FBXL7: variants seen among roughly 807,000 people sequenced by gnomAD.
FBXL7 encodes F-box/LRR-repeat protein 7.
Under a neutral mutation model 38.3 loss-of-function variants are expected in FBXL7, and 12 were observed. The observed-to-expected ratio is 0.31, with a 90% CI of 0.20 to 0.51. The LOEUF is 0.51. Among genes scored for constraint, FBXL7 ranks in the 20% least tolerant of loss-of-function variants. The pLI is 0.98. For missense variants in FBXL7, 567 were observed against 676.4 expected, an observed-to-expected ratio of 0.84 and a Z score of 1.79; for synonymous variants, 297 against 300.9, an observed-to-expected ratio of 0.99 and a Z score of 0.13.
At chr5:15,791,062 T>G (rs1737261406) in intron 2 of FBXL7, among the ~76,000 whole-genome samples, 2 of 87,236 alleles carry the variant, frequency 2.3e-5, no homozygotes, top group South Asian at 6.0e-4. Context: ...GGTCAGTGAG[T>G]TGTGTAAAAG....
intron 2 of FBXL7, among the ~76,000 whole-genome samples, chr5:15,648,370 A>G (rs1233675747): frequency 1.3e-5 from 2 of 152,234 alleles, no homozygotes; most frequent in Non-Finnish European, 2.9e-5. Flanking sequence ...GGTGTGTATG[A>G]AAACTTCTGA....
At chr5:15,715,840 C>G (rs1398459604) in intron 2 of FBXL7, among the ~76,000 whole-genome samples, 6 of 152,164 alleles carry the variant, frequency 3.9e-5, no homozygotes, top group Admixed American at 3.3e-4. Flanking sequence ...AGAACATCAG[C>G]AATAGCCTAT....
intron 1 of FBXL7, among the ~76,000 whole-genome samples, chr5:15,598,778 C>T (rs1739704435): frequency 6.6e-6 from 1 of 152,134 alleles, no homozygotes; most frequent in Admixed American, 6.5e-5. Context: ...ACTCCCCCTC[C>T]TTGTCTTCCT....
intron 2 of FBXL7, among the ~76,000 whole-genome samples, chr5:15,752,546 T>G (rs1736181890): frequency 6.6e-6 from 1 of 152,140 alleles, no homozygotes; most frequent in Non-Finnish European, 1.5e-5. Context: ...ATTGGATTTC[T>G]CTGACCCACC....
At chr5:15,516,637 G>T (rs954556183) in intron 1 of FBXL7, among the ~76,000 whole-genome samples, 1 of 151,962 alleles carries the variant, frequency 6.6e-6, no homozygotes, top group Non-Finnish European at 1.5e-5. Context: ...GTCGTGGGAG[G>T]GACTTCGTGG....
intron 2 of FBXL7, among the ~76,000 whole-genome samples, chr5:15,831,896 A>C (rs1421136190): frequency 6.6e-6 from 1 of 152,048 alleles, no homozygotes; most frequent in Non-Finnish European, 1.5e-5. Context: ...ATGCCCTCCC[A>C]TTGCCCATGG....
intron 2 of FBXL7, among the ~76,000 whole-genome samples, chr5:15,658,078 G>A (rs772476816): frequency 3.3e-5 from 5 of 152,048 alleles, no homozygotes; most frequent in African/African-American, 4.8e-5. Context: ...TAATTTTGTT[G>A]AGGGTGGCAG....
intron 2 of FBXL7, among the ~76,000 whole-genome samples, chr5:15,876,363 C>T (rs1740206353): frequency 6.6e-6 from 1 of 150,676 alleles, no homozygotes; most frequent in Non-Finnish European, 1.5e-5. Context: ...GAAACCTGAA[C>T]GTTCTACACA....
At chr5:15,832,565 C>T (rs1306336879) in intron 2 of FBXL7, among the ~76,000 whole-genome samples, 1 of 152,138 alleles carries the variant, frequency 6.6e-6, no homozygotes, top group Non-Finnish European at 1.5e-5. Flanking sequence ...ATCTCGAAAA[C>T]AGCTAGTTTA....
intron 1 of FBXL7, among the ~76,000 whole-genome samples, chr5:15,574,683 G>A (rs1738899786): frequency 6.6e-6 from 1 of 152,158 alleles, no homozygotes. Context: ...GAGTGAGAGA[G>A]TAAGCCTGCC....
At chr5:15,876,662 A>G (rs933646299) in intron 2 of FBXL7, among the ~76,000 whole-genome samples, 4 of 152,210 alleles carry the variant, frequency 2.6e-5, no homozygotes, top group African/African-American at 9.6e-5. Flanking sequence ...ATAGTAAGAA[A>G]CTATTAACCT....
chr5:15,876,358 C>T (rs1740205994), intron 2 of FBXL7, among the ~76,000 whole-genome samples: 1 of 151,878 alleles, frequency 6.6e-6, no homozygotes, highest in South Asian at 2.1e-4. Flanking sequence ...TGTAAGAAAC[C>T]TGAACGTTCT....
chr5:15,555,267 C>T (rs1359259098), intron 1 of FBXL7, among the ~76,000 whole-genome samples: 1 of 152,168 alleles, frequency 6.6e-6, no homozygotes, highest in African/African-American at 2.4e-5. Context: ...CAGTTTCTTA[C>T]TTCCGGTACA....
At chr5:15,607,769 T>C (rs907540415) in intron 1 of FBXL7, among the ~76,000 whole-genome samples, 1 of 152,254 alleles carries the variant, frequency 6.6e-6, no homozygotes, top group Admixed American at 6.5e-5. Context: ...CGGCTCAGAA[T>C]TGTATGTGTA....
In FBXL7 at chr5:15,720,087, A is replaced by C. The variant is rs184107030; in HGVS notation, c.127+104015A>C. Among the ~76,000 whole-genome samples, 7 of 149,234 alleles carry C rather than the reference A, an allele frequency of 4.7e-5. No individual in the cohort carries two copies. In the East Asian group the frequency reaches 1.4e-3, roughly 29 times the overall value. ...TGGCCACAATTGCCTGCATGTCTAA[A>C]TTTGCAATCTTGGTTGAATTGCTGT... is the stretch of plus-strand genomic sequence containing the variant. On this transcript the variant is annotated intron_variant, in intron 2 of 3. Coordinates refer to ENST00000504595, the MANE Select transcript of FBXL7 (RefSeq NM_012304.5).
chr5:15,593,606 G>T (rs190952960), intron 1 of FBXL7, among the ~76,000 whole-genome samples: 6 of 152,154 alleles, frequency 3.9e-5, no homozygotes, highest in Non-Finnish European at 7.4e-5. Context: ...ATTTAGATTA[G>T]CACTTAATAG....
chr5:15,927,081 T>C (rs1333562929), intron 2 of FBXL7, among the ~76,000 whole-genome samples: 3 of 152,022 alleles, frequency 2.0e-5, no homozygotes, highest in African/African-American at 7.3e-5. Flanking sequence ...TCCCCGTTCA[T>C]GTAGACTGGA....
At chr5:15,747,882 T>G (rs1035365169) in intron 2 of FBXL7, among the ~76,000 whole-genome samples, 1 of 152,222 alleles carries the variant, frequency 6.6e-6, no homozygotes, top group Admixed American at 6.5e-5. Flanking sequence ...CTTGGACTAT[T>G]GCCCAGCTAG....
intron 1 of FBXL7, among the ~76,000 whole-genome samples, chr5:15,564,378 CTGTGTGTG>C (rs33993480): frequency 0.27 from 39,967 of 147,420 alleles, 6,250 homozygotes; most frequent in Admixed American, 0.36. Context: ...TCAGTAATAT[CTGTGTGTG>C]TGTGTGTGTG....
Sources: gnomAD v4.1 joint callset for allele counts (sites outside exome capture counted in the v4.1 genomes callset) on GRCh38, gnomAD v4.1.1 for gene constraint, MANE v1.5 for transcripts, NCBI Gene and HGNC (gene_info 2026-07-23, HGNC 2026-07-21) for gene names.